Variants in GRID2 observed in about 807,000 individuals in gnomAD.
The protein encoded by GRID2 is glutamate receptor ionotropic, delta-2.
A neutral mutation model predicts 114.8 loss-of-function variants in GRID2; 33 were observed. The observed-to-expected ratio is 0.29, with a 90% CI of 0.22 to 0.38. GRID2 has a LOEUF of 0.38. Ranked by LOEUF, GRID2 falls within the 10% of genes least tolerant of loss-of-function variation. The probability of loss-of-function intolerance (pLI) is 1.00; values close to 1 mark genes in which losing one functional copy is unlikely to be tolerated. For missense variants in GRID2, 1,184 were observed against 1,257.7 expected, an observed-to-expected ratio of 0.94 and a Z score of 0.89; for synonymous variants, 505 against 449.9, an observed-to-expected ratio of 1.12 and a Z score of -1.55.
chr4:92,747,224 T>TA (rs201676662), intron 2 of GRID2, among the ~76,000 whole-genome samples: 11 of 151,996 alleles, frequency 7.2e-5, no homozygotes, highest in African/African-American at 9.7e-5. Context: ...TAATTATTTA[T>TA]AAAAAAAGAT....
intron 2 of GRID2, among the ~76,000 whole-genome samples, chr4:92,709,589 A>AAAAAAAATATATATATATATAT (rs779775767): frequency 8.7e-6 from 1 of 114,660 alleles, no homozygotes; most frequent in African/African-American, 3.4e-5. Flanking sequence ...AAAAAAAAAA[A>AAAAAAAATATATATATATATAT]ATATATATAT....
intron 13 of GRID2, among the ~76,000 whole-genome samples, chr4:93,617,736 A>G (rs577512185): frequency 1.3e-5 from 2 of 152,190 alleles, no homozygotes; most frequent in Non-Finnish European, 2.9e-5. Flanking sequence ...ATCCACAGAC[A>G]AAGGACTGTT....
At chr4:93,644,552 C>A (rs1476721159) in intron 14 of GRID2, among the ~76,000 whole-genome samples, 1 of 152,016 alleles carries the variant, frequency 6.6e-6, no homozygotes, top group Non-Finnish European at 1.5e-5. Context: ...ACCAAGATCC[C>A]TTTAGTACTC....
intron 1 of GRID2, among the ~76,000 whole-genome samples, chr4:92,326,287 A>G (rs770428741): frequency 3.9e-5 from 6 of 151,944 alleles, no homozygotes; most frequent in African/African-American, 7.2e-5. Context: ...TACACTGAAC[A>G]TAAGTCCACA....
Position 92,923,530 on chromosome 4 carries a change from T to A in GRID2, c.245-161465T>A, listed in dbSNP as rs554192538. On this transcript the variant is annotated intron_variant, in intron 2 of 15. Coordinates refer to ENST00000282020, the MANE Select transcript of GRID2 (RefSeq NM_001510.4). ...AATAAAAAAATCACTTTATTCTTTATAAATACTTTAGAATACTTATTTCTA... is the reference window on the plus strand; with the variant it reads ...AATAAAAAAATCACTTTATTCTTTAAAAATACTTTAGAATACTTATTTCTA... 3.3e-5 allele frequency among the ~76,000 whole-genome samples: 5 copies of A among 152,332 alleles called. No individual in the cohort carries two copies. The South Asian group carries it at 8.3e-4, about 25-fold the overall frequency.
chr4:92,731,270 G>A (rs1230372081), intron 2 of GRID2, among the ~76,000 whole-genome samples: 1 of 150,180 alleles, frequency 6.7e-6, no homozygotes, highest in African/African-American at 2.5e-5. Context: ...CTTTTCAAAA[G>A]CAAGACCAGC....
intron 1 of GRID2, among the ~76,000 whole-genome samples, chr4:92,570,810 C>A (rs1028452974): frequency 6.6e-6 from 1 of 152,120 alleles, no homozygotes; most frequent in Admixed American, 6.6e-5. Flanking sequence ...TATCTTGAGA[C>A]TTTGCTAAAA....
At chr4:93,475,884 A>T (rs1396332230) in intron 11 of GRID2, among the ~76,000 whole-genome samples, 1 of 152,132 alleles carries the variant, frequency 6.6e-6, no homozygotes, top group Non-Finnish European at 1.5e-5. Context: ...AAAACATTAA[A>T]AGCTAATGGA....
At chr4:93,173,025 GT>G (rs1287669932) in intron 4 of GRID2, among the ~76,000 whole-genome samples, 1 of 150,878 alleles carries the variant, frequency 6.6e-6, no homozygotes, top group Non-Finnish European at 1.5e-5. Flanking sequence ...TTATTTTTCT[GT>G]TCTTAACAAC....
intron 13 of GRID2, among the ~76,000 whole-genome samples, chr4:93,564,735 C>A (rs764680376): frequency 2.6e-5 from 4 of 151,938 alleles, no homozygotes; most frequent in Admixed American, 6.6e-5. Context: ...CTCTGCATAA[C>A]AGAGATGAGC....
chr4:92,354,037 A>G (rs1728199958), intron 1 of GRID2, among the ~76,000 whole-genome samples: 1 of 152,040 alleles, frequency 6.6e-6, no homozygotes, highest in Non-Finnish European at 1.5e-5. Context: ...TTAGGCAAAA[A>G]GAGAGACAAA....
intron 13 of GRID2, among the ~76,000 whole-genome samples, chr4:93,618,087 AC>A (rs1338531310): frequency 2.0e-5 from 3 of 152,136 alleles, no homozygotes; most frequent in Admixed American, 2.0e-4. Flanking sequence ...TTGGAGGCAA[AC>A]CTGGGCAATT....
chr4:92,413,677 G>T (rs942521097), intron 1 of GRID2, among the ~76,000 whole-genome samples: 1 of 152,152 alleles, frequency 6.6e-6, no homozygotes, highest in Non-Finnish European at 1.5e-5. Context: ...AAACACGGGA[G>T]AAGTTGTAAT....
rs770220447 is a variant in GRID2, at chr4:92,304,342, A to G, written c.-315A>G. ...CAGCGATGGGTCTGATCTGAGCCCCAGCCTCTCCCCCTGCCCAAGAGCAGT... is the reference window on the plus strand; with the variant it reads ...CAGCGATGGGTCTGATCTGAGCCCCGGCCTCTCCCCCTGCCCAAGAGCAGT... On this transcript the variant is annotated 5_prime_UTR_variant, in exon 1 of 16. Transcript: ENST00000282020. The G allele has an allele frequency of 2.1e-5, 8 of 381,318 alleles. No individual in the cohort carries two copies. Among genetic ancestry groups the G allele is most frequent in the Admixed American group, 4.4e-5 (1 of 22,626 alleles). 23.6% of individuals were successfully genotyped at this position (381,318 alleles called of 1,614,324 possible).
At chr4:93,042,151 C>A (rs1010582690) in intron 2 of GRID2, among the ~76,000 whole-genome samples, 2 of 151,818 alleles carry the variant, frequency 1.3e-5, no homozygotes, top group African/African-American at 4.8e-5. Context: ...GATCTGCCTG[C>A]CTTAGCCTCC....
chr4:93,698,864 TG>T (rs1727269233), intron 14 of GRID2, among the ~76,000 whole-genome samples: 1 of 152,072 alleles, frequency 6.6e-6, no homozygotes, highest in Non-Finnish European at 1.5e-5. Flanking sequence ...TAGGCAAGCC[TG>T]GGTTTAAGCC....
chr4:93,249,839 G>GA (rs1015070520), intron 8 of GRID2, among the ~76,000 whole-genome samples: 7 of 151,918 alleles, frequency 4.6e-5, no homozygotes, highest in African/African-American at 7.3e-5. Flanking sequence ...AAAAAGTCAG[G>GA]AAAAAACGGA....
intron 2 of GRID2, among the ~76,000 whole-genome samples, chr4:92,731,836 AAT>A (rs1553921572): frequency 6.6e-6 from 1 of 151,976 alleles, no homozygotes; most frequent in Non-Finnish European, 1.5e-5. Flanking sequence ...TAAAGAAACT[AAT>A]AGTCATATTT....
chr4:93,100,132 G>A (rs1731573228), intron 3 of GRID2, among the ~76,000 whole-genome samples: 1 of 151,700 alleles, frequency 6.6e-6, no homozygotes, highest in Non-Finnish European at 1.5e-5. Context: ...TGTTAAGTAG[G>A]TAAAATTTAT....
Sources: allele counts gnomAD v4.1 joint callset (sites outside exome capture counted in the v4.1 genomes callset), GRCh38; gene constraint gnomAD v4.1.1; transcripts MANE v1.5; gene names NCBI Gene and HGNC (gene_info 2026-07-23, HGNC 2026-07-21).